The following ZNF737 variants were observed in gnomAD, a reference collection of about 807,000 sequenced individuals.
ZNF737 encodes the protein zinc finger protein 737.
A neutral mutation model predicts 11.7 loss-of-function variants in ZNF737; 13 were observed. That is an observed-to-expected ratio of 1.11 (90% confidence interval 0.73 to 1.77). The LOEUF is 1.77. Ranked by LOEUF, ZNF737 falls within the 40% of genes most tolerant of loss-of-function variation. The pLI, the probability that ZNF737 is intolerant of heterozygous loss-of-function variation, is 0.00. For missense variants in ZNF737, 636 were observed against 638.0 expected, an observed-to-expected ratio of 1.00 and a Z score of 0.03; for synonymous variants, 217 against 216.2, an observed-to-expected ratio of 1.00 and a Z score of -0.03.
At chr19:20,548,961 T>TAAAAAAAAAA (rs1599415194) in intron 3 of ZNF737, among the ~76,000 whole-genome samples, 1 of 18,660 alleles carries the variant, frequency 5.4e-5, no homozygotes, top group African/African-American at 5.8e-4. Flanking sequence ...AAAGAAAAAC[T>TAAAAAAAAAA]GAAAAAAAAA....
At chr19:20,563,255 T>A (rs1439149046) in intron 1 of ZNF737, among the ~76,000 whole-genome samples, 2 of 147,976 alleles carry the variant, frequency 1.4e-5, no homozygotes, top group Non-Finnish European at 3.0e-5. Flanking sequence ...TAAAGCCTCC[T>A]TCTATGGCTG....
At chr19:20,559,933 G>A (rs1307053408) in intron 1 of ZNF737, among the ~76,000 whole-genome samples, 5 of 151,750 alleles carry the variant, frequency 3.3e-5, no homozygotes, top group Non-Finnish European at 5.9e-5. Context: ...TTGGGAGGCC[G>A]AGGCGGGTGG....
chr19:20,564,660 A>AT (rs1300709674), intron 1 of ZNF737, among the ~76,000 whole-genome samples: 2 of 151,974 alleles, frequency 1.3e-5, no homozygotes, highest in Non-Finnish European at 2.9e-5. Context: ...CAAAAAAAAA[A>AT]AAATAAAAAT....
In ZNF737 at chr19:20,542,996, A is replaced by G. The variant is rs1968280170; in HGVS notation, c.*1596T>C. ...AAAGTTAAATAGAAATCATTTACCTAAAAACTGCAGTTGTGGATTAGTTTT... is the reference window on the plus strand; with the variant it reads ...AAAGTTAAATAGAAATCATTTACCTGAAAACTGCAGTTGTGGATTAGTTTT... On this transcript the variant is annotated 3_prime_UTR_variant, in exon 4 of 4. Coordinates refer to ENST00000427401, the MANE Select transcript of ZNF737 (RefSeq NM_001159293.2). 1 of 985,142 alleles carries G rather than the reference A, an allele frequency of 1.0e-6. No homozygotes were observed. The highest frequency in any genetic ancestry group is 1.7e-5 in the African/African-American group (1 of 57,370). The allele number at this position is 985,142 out of a possible 1,614,324, so 61.0% of individuals were successfully genotyped here.
Position 20,544,478 on chromosome 19 carries a change from G to A in ZNF737, c.*114C>T. On this transcript the variant is annotated 3_prime_UTR_variant, in exon 4 of 4. Coordinates refer to ENST00000427401, the MANE Select transcript of ZNF737 (RefSeq NM_001159293.2). ...CTAATGTCTACTAAGGTTTGAGGAT[G>A]AAATAAAGGCTTTGCCACATTTATC... The A allele has an allele frequency of 6.6e-7, 1 of 1,516,424 alleles. No homozygotes were observed. Among genetic ancestry groups the A allele is most frequent in the Non-Finnish European group, 8.8e-7 (1 of 1,140,918 alleles). 93.9% of individuals were successfully genotyped at this position (1,516,424 alleles called of 1,614,324 possible). A position where few individuals can be genotyped will look rare whatever the true frequency, so the allele number is the denominator to read the frequency against.
chr19:20,539,575 T>C lies in ZNF737; in HGVS notation c.*5017A>G. On this transcript the variant is annotated 3_prime_UTR_variant, in exon 4 of 4. Coordinates refer to ENST00000427401, the MANE Select transcript of ZNF737 (RefSeq NM_001159293.2). ...GGTCATGTGAATCTAAAAGAAACTA[T>C]CTACATAACTAATCATGGATTCAAA... 1 of 980,610 alleles carries C rather than the reference T, an allele frequency of 1.0e-6. No homozygotes were observed. Among genetic ancestry groups the C allele is most frequent in the African/African-American group, 1.7e-5 (1 of 57,254 alleles). 60.7% of individuals were successfully genotyped at this position (980,610 alleles called of 1,614,324 possible).
chr19:20,548,980 A>AAAAAAAAAAAAAAAAC (rs1491170549), intron 3 of ZNF737, among the ~76,000 whole-genome samples: 4 of 66,500 alleles, frequency 6.0e-5, no homozygotes, highest in Admixed American at 1.9e-4. Flanking sequence ...AAAAAAAAAA[A>AAAAAAAAAAAAAAAAC]CAATTATGTA....
intron 1 of ZNF737, among the ~76,000 whole-genome samples, chr19:20,563,313 C>CT (rs2144708479): frequency 6.7e-6 from 1 of 149,542 alleles, no homozygotes; most frequent in South Asian, 2.1e-4. Context: ...CAGAAAAAAA[C>CT]TGAGTCTTTA....
At chr19:20,534,089 G>C (rs558595009), downstream of ZNF737, among the ~76,000 whole-genome samples, 8 of 150,096 alleles carry the variant, frequency 5.3e-5, no homozygotes, top group Non-Finnish European at 1.0e-4. Context: ...CTAATGGGCT[G>C]CTTGGAATCC....
rs1968278462 is a variant in ZNF737, at chr19:20,542,966, C to T, written c.*1626G>A. The T allele has an allele frequency of 1.0e-6, 1 of 984,438 alleles. No homozygotes were observed. The highest frequency in any genetic ancestry group is 1.8e-5 in the African/African-American group (1 of 56,742). 61.0% of individuals were successfully genotyped at this position (984,438 alleles called of 1,614,324 possible). A position where few individuals can be genotyped will look rare whatever the true frequency, so the allele number is the denominator to read the frequency against. ...TTACAATGCTTCCAAAAATCTACTC[C>T]TTTTAAAGTTAAATAGAAATCATTT... On this transcript the variant is annotated 3_prime_UTR_variant, in exon 4 of 4. Coordinates refer to ENST00000427401, the MANE Select transcript of ZNF737 (RefSeq NM_001159293.2).
Position 20,544,581 on chromosome 19 carries a change from A to G in ZNF737, c.*11T>C, listed in dbSNP as rs1968348436. 2.5e-6 allele frequency: 4 copies of G among 1,586,160 alleles called. No homozygotes were observed. The South Asian group carries it at 4.5e-5, about 18-fold the overall frequency. ...GTGGGATAGCTTAAAGCTTTGCCAC[A>G]TTCCTCACATTTATAGTTTCTCTCC... On this transcript the variant is annotated 3_prime_UTR_variant, in exon 4 of 4. Transcript: ENST00000427401.
At position 20,541,868 on chromosome 19, in the gene ZNF737, G is replaced by A; in HGVS notation, c.*2724C>T. 2 of 241,198 alleles carry A rather than the reference G, an allele frequency of 8.3e-6. No individual in the cohort carries two copies. Among genetic ancestry groups the A allele is most frequent in the Non-Finnish European group, 1.3e-5 (2 of 149,808 alleles). The allele number at this position is 241,198 out of a possible 1,614,324, so 14.9% of individuals were successfully genotyped here. On this transcript the variant is annotated 3_prime_UTR_variant, in exon 4 of 4. Coordinates refer to ENST00000427401, the MANE Select transcript of ZNF737 (RefSeq NM_001159293.2). Reference sequence around the variant, plus strand: ...ACAAAAGATAAATGCTAGAGGTGATGGATACCTTATTTACCATAATGTAAT... The same window carrying A: ...ACAAAAGATAAATGCTAGAGGTGATAGATACCTTATTTACCATAATGTAAT...
chr19:20,537,511 ATTT>A (rs1163609628), downstream of ZNF737, among the ~76,000 whole-genome samples: 147 of 77,072 alleles, frequency 1.9e-3, 1 homozygote, highest in Middle Eastern at 0.015. Flanking sequence ...CTGGTTTTCT[ATTT>A]TTTTTTTTTT....
rs371191537 is a variant in ZNF737 at position 20,554,228 on chromosome 19, C to T, written c.4-393G>A. Among the ~76,000 whole-genome samples, 114 of 152,246 alleles carry T rather than the reference C, an allele frequency of 7.5e-4. 1 individual carries two copies. The South Asian group carries it at 9.1e-3, about 12-fold the overall frequency. ...ACAATAAGTTGAAGACCTTGTTATG[C>T]AGGGTTTTTTTCCAGAAGATCTGGA... On this transcript the variant is annotated intron_variant, in intron 1 of 3. Transcript: ENST00000427401.
rs1413213435 is a variant in ZNF737 at position 20,541,035 on chromosome 19, AGTTGTTT to A, written c.*3550_*3556del. On this transcript the variant is annotated 3_prime_UTR_variant, in exon 4 of 4. Coordinates refer to ENST00000427401, the MANE Select transcript of ZNF737 (RefSeq NM_001159293.2). The stretch of plus-strand genomic sequence containing the variant: ...GGGCTTTTATTATTGTACTCAAGAG[AGTTGTTT>A]CTGGAGACAAAGTTGCCTGTGCTTT... The A allele has an allele frequency of 1.5e-5, 15 of 985,122 alleles. No individual in the cohort carries two copies. Among genetic ancestry groups the A allele is most frequent in the Non-Finnish European group, 1.8e-5 (15 of 829,900 alleles). 61.0% of individuals were successfully genotyped at this position (985,122 alleles called of 1,614,324 possible). A position where few individuals can be genotyped will look rare whatever the true frequency, so the allele number is the denominator to read the frequency against.
chr19:20,540,400 G>A lies in ZNF737; in HGVS notation c.*4192C>T, dbSNP rs782534355. 5.9e-5 allele frequency among the ~76,000 whole-genome samples: 9 copies of A among 152,116 alleles called. No homozygotes were observed. Among genetic ancestry groups the A allele is most frequent in the Non-Finnish European group, 1.2e-4 (8 of 68,018 alleles). ...TCAAGAGGAAAGTATGACACAGCAC[G>A]TGTGCAACAGACTGGTAATCCAGGG... is the stretch of plus-strand genomic sequence containing the variant. On this transcript the variant is annotated 3_prime_UTR_variant, in exon 4 of 4. Coordinates refer to ENST00000427401, the MANE Select transcript of ZNF737 (RefSeq NM_001159293.2).
intron 2 of ZNF737, among the ~76,000 whole-genome samples, chr19:20,553,142 T>C (rs149036022): frequency 2.0e-5 from 3 of 152,204 alleles, no homozygotes; most frequent in Admixed American, 2.0e-4. Flanking sequence ...GAAGCTACAA[T>C]AGTTTATGTC....
Position 20,544,622 on chromosome 19 carries a change from ATG to A in ZNF737, c.1579_1580del (p.His527Ter). 6.2e-7 allele frequency: 1 copy of A among 1,608,322 alleles called. No individual in the cohort carries two copies. The highest frequency in any genetic ancestry group is 8.5e-7 in the Non-Finnish European group (1 of 1,177,798). On this transcript the variant is annotated frameshift_variant, in exon 4 of 4. Transcript: ENST00000427401. LOFTEE classifies it high-confidence loss of function. ...GTTTCTCTCCAGTATGAATTACCTTATGTGTAGTAAGGGTAGAGGGGCACTTA... is the reference window on the plus strand; with the variant it reads ...GTTTCTCTCCAGTATGAATTACCTTATGTAGTAAGGGTAGAGGGGCACTTA... ...GFKCPSTLTT[H>X]KVIHTGEKL
downstream of ZNF737, among the ~76,000 whole-genome samples, chr19:20,536,680 G>A (rs1027142679): frequency 2.0e-5 from 3 of 152,150 alleles, no homozygotes; most frequent in Admixed American, 1.3e-4. Flanking sequence ...GGTGGCTCAC[G>A]CCTGTAATCC....
Sources: gnomAD v4.1 joint callset for allele counts (sites outside exome capture counted in the v4.1 genomes callset) on GRCh38, gnomAD v4.1.1 for gene constraint, MANE v1.5 for transcripts, NCBI Gene and HGNC (gene_info 2026-07-23, HGNC 2026-07-21) for gene names.